AFAP1L2: variants seen among roughly 807,000 people sequenced by gnomAD.
The protein encoded by AFAP1L2 is actin filament-associated protein 1-like 2.
A neutral mutation model predicts 99.3 loss-of-function variants in AFAP1L2; 46 were observed. That is an observed-to-expected ratio of 0.46 (90% CI 0.37 to 0.59). The LOEUF (loss-of-function observed/expected upper bound fraction) is 0.59. AFAP1L2 is among the 20% of genes least tolerant of loss of function. AFAP1L2 has a pLI of 0.00. For synonymous variants in AFAP1L2, 397 were observed against 419.1 expected (o/e 0.95, Z 0.64); for missense variants, 959 against 1,034.9 (o/e 0.93, Z 1.01).
chr10:114,345,644 G>A (rs946399516), intron 1 of AFAP1L2, among the ~76,000 whole-genome samples: 1 of 152,202 alleles, frequency 6.6e-6, no homozygotes, highest in Non-Finnish European at 1.5e-5. Flanking sequence ...AGCGGCACGG[G>A]GGATCAAATC....
At chr10:114,307,489 T>C (rs1240518149) in intron 10 of AFAP1L2, among the ~76,000 whole-genome samples, 1 of 151,724 alleles carries the variant, frequency 6.6e-6, no homozygotes, top group Non-Finnish European at 1.5e-5. Flanking sequence ...TGGTCCCCTT[T>C]TAGCAAGGTC....
chr10:114,372,104 A>G (rs1446514930), intron 1 of AFAP1L2, among the ~76,000 whole-genome samples: 1 of 152,220 alleles, frequency 6.6e-6, no homozygotes, highest in Non-Finnish European at 1.5e-5. Flanking sequence ...ATTCTTGACT[A>G]ATCTGTTCCA....
chr10:114,314,094 G>A (rs780678203), intron 6 of AFAP1L2, 44 bp from the exon 7 acceptor site: 21 of 1,570,932 alleles, frequency 1.3e-5, no homozygotes, highest in African/African-American at 4.0e-5. Flanking sequence ...CAGGGGTGCC[G>A]GGCGGAGGTG....
At position 114,299,429 on chromosome 10, in the gene AFAP1L2, G is replaced by A. The variant is rs2040768577; in HGVS notation, c.1958-14C>T. On this transcript the variant is annotated splice_polypyrimidine_tract_variant and intron_variant, in intron 15 of 18. Transcript: ENST00000304129. Reference sequence around the variant, plus strand: ...CAAGCTTGATCTCTACAGACCCAGAGAGGGAAGCCCCAGGTAAGCAGAGCT... The same window carrying A: ...CAAGCTTGATCTCTACAGACCCAGAAAGGGAAGCCCCAGGTAAGCAGAGCT... 7 of 1,613,668 alleles carry A rather than the reference G, an allele frequency of 4.3e-6. No individual in the cohort carries two copies. In the South Asian group the frequency reaches 6.6e-5, roughly 15 times the overall value.
chr10:114,380,524 T>G (rs1028557112), intron 1 of AFAP1L2, among the ~76,000 whole-genome samples: 1 of 152,218 alleles, frequency 6.6e-6, no homozygotes, highest in African/African-American at 2.4e-5. Context: ...TTGGGTTTGA[T>G]TTACACAGTC....
At chr10:114,340,786 G>A (rs765742118) in intron 1 of AFAP1L2, 55 bp from the exon 2 acceptor site, 2 of 1,612,522 alleles carry the variant, frequency 1.2e-6, no homozygotes, top group African/African-American at 1.3e-5. Context: ...CCAAAGCCCA[G>A]CTCAGATACA....
At chr10:114,364,442 T>C (rs1034237056) in intron 1 of AFAP1L2, among the ~76,000 whole-genome samples, 6 of 152,162 alleles carry the variant, frequency 3.9e-5, no homozygotes, top group Non-Finnish European at 7.4e-5. Flanking sequence ...CCCTGGAGTT[T>C]GCTGGTCATC....
At chr10:114,342,483 G>A (rs10885556) in intron 1 of AFAP1L2, among the ~76,000 whole-genome samples, 89,656 of 152,158 alleles carry the variant, frequency 0.59, 31,978 homozygotes, top group East Asian at 0.85. Flanking sequence ...GCTACTTGAC[G>A]TGGCAAAGGG....
intron 7 of AFAP1L2, 51 bp from the exon 8 acceptor site, chr10:114,310,494 C>T: frequency 1.3e-6 from 2 of 1,548,280 alleles, no homozygotes; most frequent in Non-Finnish European, 1.8e-6. Context: ...CTGGCCAGCA[C>T]TCACAGCCAG....
intron 4 of AFAP1L2, among the ~76,000 whole-genome samples, chr10:114,324,112 G>C (rs755724836): frequency 1.3e-5 from 2 of 152,232 alleles, no homozygotes; most frequent in Non-Finnish European, 2.9e-5. Context: ...GTAGGCACTA[G>C]ACTATGAAGC....
intron 10 of AFAP1L2, among the ~76,000 whole-genome samples, chr10:114,306,254 C>G (rs374426647): frequency 2.0e-5 from 2 of 101,730 alleles, no homozygotes; most frequent in African/African-American, 7.9e-5. Context: ...CAGGACTGGT[C>G]GGGGCTGCAG....
chr10:114,289,068 G>C, the AFAP1L2 span: 5 of 1,614,088 alleles, frequency 3.1e-6, no homozygotes, highest in East Asian at 8.9e-5. Context: ...ACCCTGACGT[G>C]ACACAGGTCG....
chr10:114,353,196 T>C (rs1424725372), intron 1 of AFAP1L2, among the ~76,000 whole-genome samples: 2 of 152,050 alleles, frequency 1.3e-5, no homozygotes, highest in African/African-American at 2.4e-5. Context: ...TTCCTGGGGG[T>C]TGAGCTGCTA....
chr10:114,379,981 G>A (rs1453390390), intron 1 of AFAP1L2, among the ~76,000 whole-genome samples: 1 of 152,224 alleles, frequency 6.6e-6, no homozygotes, highest in Non-Finnish European at 1.5e-5. Flanking sequence ...CCCTTTGTGA[G>A]GCGGCAGGGG....
chr10:114,355,256 C>CTTTTTTTTTTT (rs35562783), intron 1 of AFAP1L2, among the ~76,000 whole-genome samples: 4 of 133,118 alleles, frequency 3.0e-5, no homozygotes, highest in African/African-American at 8.4e-5. Flanking sequence ...CTCGCTCTCT[C>CTTTTTTTTTTT]TTTTTTTTTT....
chr10:114,363,628 G>GGC (rs2052767274), intron 1 of AFAP1L2, among the ~76,000 whole-genome samples: 3 of 152,216 alleles, frequency 2.0e-5, no homozygotes. Flanking sequence ...CGTTATAGAT[G>GGC]AAACAGGTGG....
intron 1 of AFAP1L2, among the ~76,000 whole-genome samples, chr10:114,350,270 T>C (rs2050261506): frequency 6.6e-6 from 1 of 152,194 alleles, no homozygotes; most frequent in Admixed American, 6.5e-5. Flanking sequence ...CCAGAAGCAC[T>C]ACCTGTCCAT....
chr10:114,377,031 G>A lies in AFAP1L2; in HGVS notation c.16+27409C>T, dbSNP rs968560275. ...AGGGAAGGTGAAGGGCACTCAACTT[G>A]GTGTTTTCAAATATCACTGGGGGCA... On this transcript the variant is annotated intron_variant, in intron 1 of 18. Transcript: ENST00000304129. This position sits in a 1 kb window ranked among gnomAD's most constrained non-coding sequence, Gnocchi z 4.0. Among the ~76,000 whole-genome samples, 1 of 152,048 alleles carries A rather than the reference G, an allele frequency of 6.6e-6. No homozygotes were observed. The highest frequency in any genetic ancestry group is 1.5e-5 in the Non-Finnish European group (1 of 68,010).
intron 1 of AFAP1L2, among the ~76,000 whole-genome samples, chr10:114,404,230 C>G (rs1380606116): frequency 6.6e-6 from 1 of 152,168 alleles, no homozygotes; most frequent in Non-Finnish European, 1.5e-5. Flanking sequence ...CCGGGAGGAT[C>G]AAAGGGCTCG....
Sources: gnomAD v4.1 joint callset for allele counts (sites outside exome capture counted in the v4.1 genomes callset) on GRCh38, gnomAD v4.1.1 for gene constraint, Gnocchi (gnomAD v3.1) non-coding constraint, MANE v1.5 for transcripts, NCBI Gene and HGNC (gene_info 2026-07-23, HGNC 2026-07-21) for gene names.